Variants in PDE1C observed in about 807,000 individuals in gnomAD.
PDE1C encodes the protein phosphodiesterase 1C.
PDE1C carries 62 observed loss-of-function variants against 93.1 expected under a neutral mutation model. The observed-to-expected ratio is 0.67, with a 90% CI of 0.54 to 0.82. The LOEUF (loss-of-function observed/expected upper bound fraction) is 0.82. Ranked by LOEUF, PDE1C falls within the 40% of genes least tolerant of loss-of-function variation. The pLI is 0.00. For synonymous variants in PDE1C, 325 were observed against 310.1 expected (o/e 1.05, Z -0.50); for missense variants, 742 against 884.6 (o/e 0.84, Z 2.04).
At chr7:32,402,010 T>C (rs1684202060) in intron 1 of PDE1C, among the ~76,000 whole-genome samples, 1 of 152,202 alleles carries the variant, frequency 6.6e-6, no homozygotes, top group African/African-American at 2.4e-5. Flanking sequence ...TGCTAAACAC[T>C]TTTATATACA....
chr7:32,334,537 G>A (rs559284341), intron 1 of PDE1C, among the ~76,000 whole-genome samples: 8 of 152,032 alleles, frequency 5.3e-5, no homozygotes, highest in East Asian at 3.9e-4. Flanking sequence ...CCCATCACCC[G>A]GGCAGTATAC....
chr7:31,837,673 T>C (rs762165309), intron 10 of PDE1C, among the ~76,000 whole-genome samples, 197 bp downstream of exon 10: 3 of 152,244 alleles, frequency 2.0e-5, no homozygotes, highest in Non-Finnish European at 4.4e-5. Context: ...GCCTCTATTA[T>C]TTCTTTCAAC....
intron 1 of PDE1C, among the ~76,000 whole-genome samples, chr7:32,307,095 T>C (rs1002100653): frequency 1.3e-5 from 2 of 152,212 alleles, no homozygotes; most frequent in Non-Finnish European, 2.9e-5. Context: ...CACTTAGTCA[T>C]TTATTGTACA....
chr7:32,204,800 C>T (rs981911422), intron 2 of PDE1C, among the ~76,000 whole-genome samples: 1 of 152,210 alleles, frequency 6.6e-6, no homozygotes, highest in Non-Finnish European at 1.5e-5. Flanking sequence ...CCACACCAGG[C>T]TGGCTGAAGC....
intron 3 of PDE1C, among the ~76,000 whole-genome samples, chr7:32,157,685 T>A (rs553816509): frequency 6.6e-6 from 1 of 152,304 alleles, no homozygotes; most frequent in African/African-American, 2.4e-5. Flanking sequence ...GACCTTATTC[T>A]TAAGAGATAC....
intron 8 of PDE1C, among the ~76,000 whole-genome samples, chr7:31,849,035 G>A (rs1469723898): frequency 6.6e-6 from 1 of 152,218 alleles, no homozygotes; most frequent in South Asian, 2.1e-4. Flanking sequence ...CAGGGCCAAT[G>A]TTTAAATTTC....
At position 32,298,565 on chromosome 7, in the gene PDE1C, C is replaced by A. The variant is rs552240104; in HGVS notation, c.85+86G>T. On this transcript the variant is annotated intron_variant, in intron 1 of 18. Coordinates refer to the PDE1C transcript ENST00000396193. ...GCCCCAGCCCGACCCCTGAGCTCCC[C>A]CTGCCCGCTTAGAAAGGAACTCTGA... The A allele has an allele frequency of 1.9e-5, 28 of 1,488,896 alleles. No individual in the cohort carries two copies. In the African/African-American group the frequency reaches 2.7e-4, roughly 14 times the overall value. The allele number at this position is 1,488,896 out of a possible 1,614,324, so 92.2% of individuals were successfully genotyped here.
At chr7:32,092,104 G>T (rs1018356780) in intron 3 of PDE1C, among the ~76,000 whole-genome samples, 1 of 152,076 alleles carries the variant, frequency 6.6e-6, no homozygotes, top group African/African-American at 2.4e-5. Flanking sequence ...AGGCTCCAAG[G>T]CCAATCTGAG....
intron 2 of PDE1C, among the ~76,000 whole-genome samples, chr7:32,022,479 C>A (rs30560): frequency 6.6e-6 from 1 of 151,550 alleles, no homozygotes; most frequent in Non-Finnish European, 1.5e-5. Context: ...GATAAGTGTC[C>A]CAAGGAGAAG....
intron 1 of PDE1C, among the ~76,000 whole-genome samples, chr7:32,282,084 C>T (rs996241692): frequency 2.0e-5 from 3 of 151,192 alleles, no homozygotes; most frequent in African/African-American, 7.3e-5. Flanking sequence ...GTGCAGCAAA[C>T]CAACACGGCA....
intron 2 of PDE1C, among the ~76,000 whole-genome samples, chr7:32,175,356 G>T (rs1802914595): frequency 6.6e-6 from 1 of 152,186 alleles, no homozygotes; most frequent in African/African-American, 2.4e-5. Context: ...TCTATTAAGT[G>T]TGTAATAGCG....
chr7:31,804,482 T>C (rs1786526220), intron 16 of PDE1C, among the ~76,000 whole-genome samples: 1 of 151,776 alleles, frequency 6.6e-6, no homozygotes, highest in East Asian at 2.0e-4. Flanking sequence ...GAGGATATTT[T>C]CTAAGACTCC....
chr7:32,081,925 A>C (rs10231588), intron 3 of PDE1C, among the ~76,000 whole-genome samples: 94,915 of 151,824 alleles, frequency 0.63, 30,036 homozygotes, highest in African/African-American at 0.71. Context: ...CAGCTCCCAG[A>C]GTGAGCGACG....
intron 1 of PDE1C, among the ~76,000 whole-genome samples, chr7:32,225,755 C>T (rs1807212050): frequency 6.6e-6 from 1 of 152,142 alleles, no homozygotes; most frequent in South Asian, 2.1e-4. Context: ...GTCAGCAAAG[C>T]TGTGTTATGA....
intron 2 of PDE1C, among the ~76,000 whole-genome samples, chr7:31,988,995 CAAAAAAA>C (rs36081234): frequency 2.9e-4 from 10 of 34,172 alleles, no homozygotes; most frequent in African/African-American, 8.6e-4. Flanking sequence ...AACTTCTTCT[CAAAAAAA>C]AAAAAAAAAA....
At chr7:31,764,796 G>T (rs1057495623) in intron 17 of PDE1C, among the ~76,000 whole-genome samples, 1 of 152,104 alleles carries the variant, frequency 6.6e-6, no homozygotes. Flanking sequence ...CTTAATCACA[G>T]TATTAACTGG....
In PDE1C at chr7:32,086,140, A is replaced by G. The variant is rs543279338; in HGVS notation, c.308+83645T>C. The stretch of plus-strand genomic sequence containing the variant: ...AGCCCAAAATCTCCTTAAGCTGATA[A>G]GCAACTTCAGCAAAGTCTCAGGATA... On this transcript the variant is annotated intron_variant, in intron 3 of 18. Coordinates refer to the PDE1C transcript ENST00000396193. Among the ~76,000 whole-genome samples the G allele has an allele frequency of 3.4e-3, 493 of 144,892 alleles. 3 individuals are homozygous for G. The highest frequency in any genetic ancestry group is 0.012 in the African/African-American group (466 of 38,434).
chr7:31,642,866 T>G, the PDE1C span: 1 of 1,614,032 alleles, frequency 6.2e-7, no homozygotes, highest in Non-Finnish European at 8.5e-7. Context: ...AGGGCCTCAG[T>G]ATCTGTGATG....
intron 16 of PDE1C, among the ~76,000 whole-genome samples, chr7:31,780,062 C>A (rs1297968055): frequency 6.6e-6 from 1 of 152,136 alleles, no homozygotes; most frequent in Non-Finnish European, 1.5e-5. Context: ...GGTTTTCAAT[C>A]CTGGCTACAT....
Sources: gnomAD v4.1 joint callset for allele counts (sites outside exome capture counted in the v4.1 genomes callset) on GRCh38, gnomAD v4.1.1 for gene constraint, MANE v1.5 for transcripts, NCBI Gene and HGNC (gene_info 2026-07-23, HGNC 2026-07-21) for gene names.